Variants in SNCAIP observed in about 807,000 individuals in gnomAD.
SNCAIP encodes the protein synuclein alpha interacting protein.
A neutral mutation model predicts 86.7 loss-of-function variants in SNCAIP; 43 were observed. The ratio of observed to expected loss-of-function variants is 0.50; its 90% CI spans 0.39 to 0.64. The LOEUF is 0.64. Among genes scored for constraint, SNCAIP ranks in the 30% least tolerant of loss-of-function variants. The probability of loss-of-function intolerance (pLI) is 0.00; values close to 1 mark genes in which losing one functional copy is unlikely to be tolerated. For synonymous variants in SNCAIP, 417 were observed against 427.2 expected (o/e 0.98, Z 0.29); for missense variants, 981 against 1,103.1 (o/e 0.89, Z 1.57).
intron 1 of SNCAIP, among the ~76,000 whole-genome samples, chr5:122,373,136 T>C (rs886198697): frequency 5.3e-5 from 8 of 152,210 alleles, no homozygotes; most frequent in Non-Finnish European, 1.2e-4. Flanking sequence ...TTAATTTTAT[T>C]CTCTCCATCA....
intron 1 of SNCAIP, among the ~76,000 whole-genome samples, chr5:122,385,606 G>A (rs796554906): frequency 9.2e-5 from 14 of 151,800 alleles, no homozygotes; most frequent in African/African-American, 3.1e-4. Context: ...GCCCAATATC[G>A]ATGTTCAGGC....
intron 6 of SNCAIP, among the ~76,000 whole-genome samples, chr5:122,433,252 T>C (rs1029997188): frequency 6.6e-6 from 1 of 152,112 alleles, no homozygotes; most frequent in Admixed American, 6.6e-5. Flanking sequence ...GTGTACATTC[T>C]CTCATTTATT....
chr5:122,426,076 A>G (rs1008361738), intron 5 of SNCAIP, among the ~76,000 whole-genome samples: 5 of 152,238 alleles, frequency 3.3e-5, no homozygotes, highest in African/African-American at 1.2e-4. Flanking sequence ...CGACTGGAAT[A>G]GAGTTAAAAC....
chr5:122,447,218 G>T (rs1169228478), intron 8 of SNCAIP, among the ~76,000 whole-genome samples: 1 of 152,166 alleles, frequency 6.6e-6, no homozygotes, highest in Non-Finnish European at 1.5e-5. Flanking sequence ...TCTCCTCACA[G>T]CCTTCAGAGG....
rs1783532824 is a variant in SNCAIP at position 122,450,672 on chromosome 5, C to T, written c.1825C>T (p.Pro609Ser). Residue 609 changes from proline (P) to serine (S), a missense_variant, in exon 10 of 11, where the codon CCC (proline) becomes TCC (serine). Transcript: ENST00000261368. ...CCTGTCAGCCTCCAGCCGGGCTAGA[C>T]CCAAAGCAAAAGATGAAGATTCTGA... ...GSLSASSRAR[P>S]KAKDEDSDKI... is the part of the protein sequence containing the mutation. 6.2e-7 allele frequency: 1 copy of T among 1,614,108 alleles called. No homozygotes were observed.
chr5:122,422,015 A>G (rs1306000057), intron 3 of SNCAIP, among the ~76,000 whole-genome samples: 1 of 95,866 alleles, frequency 1.0e-5, no homozygotes, highest in East Asian at 3.0e-4. Context: ...AATTAGAAAA[A>G]AAAAAAAAAA....
At chr5:122,428,181 A>G (rs1777718713) in intron 5 of SNCAIP, among the ~76,000 whole-genome samples, 1 of 152,176 alleles carries the variant, frequency 6.6e-6, no homozygotes, top group Admixed American at 6.5e-5. Flanking sequence ...GATTAAGCCA[A>G]AAAGCAAAGT....
chr5:122,435,682 A>G (rs1462684995), intron 6 of SNCAIP, among the ~76,000 whole-genome samples: 1 of 152,118 alleles, frequency 6.6e-6, no homozygotes, highest in Non-Finnish European at 1.5e-5. Context: ...GCACTTTTTG[A>G]AAAAAGAAAA....
intron 6 of SNCAIP, among the ~76,000 whole-genome samples, chr5:122,435,897 A>G (rs1355786715): frequency 6.6e-6 from 1 of 152,206 alleles, no homozygotes; most frequent in Non-Finnish European, 1.5e-5. Context: ...AAAATAGAAG[A>G]GTCTTTGATT....
intron 2 of SNCAIP, among the ~76,000 whole-genome samples, chr5:122,393,745 A>G (rs1769966930): frequency 6.6e-6 from 1 of 152,216 alleles, no homozygotes; most frequent in Non-Finnish European, 1.5e-5. Flanking sequence ...ATCCTAGTCT[A>G]TTTAAATCCA....
At chr5:122,428,430 T>C (rs955682965) in intron 5 of SNCAIP, among the ~76,000 whole-genome samples, 7 of 152,182 alleles carry the variant, frequency 4.6e-5, no homozygotes, top group Non-Finnish European at 8.8e-5. Flanking sequence ...TGTTTAAGTG[T>C]TGCCTCCTTG....
chr5:122,452,826 AATCT>A, intron 10 of SNCAIP: 2 of 762,216 alleles, frequency 2.6e-6, no homozygotes, highest in Non-Finnish European at 4.5e-6. Flanking sequence ...ACTGTCCTCT[AATCT>A]ATCTATCTTC....
intron 2 of SNCAIP, among the ~76,000 whole-genome samples, chr5:122,395,253 ACT>A (rs1251178530): frequency 6.6e-6 from 1 of 152,116 alleles, no homozygotes; most frequent in African/African-American, 2.4e-5. Flanking sequence ...ATACACATAC[ACT>A]CACACATGCA....
rs1457242307 is a variant in SNCAIP at position 122,444,546 on chromosome 5, C to T, written c.1423-17C>T. Reference sequence around the variant, plus strand: ...TACAGAGATGTCCTGATACACATGTCCTTCATTTTCTGACAGACCTTGGTT... The same window carrying T: ...TACAGAGATGTCCTGATACACATGTTCTTCATTTTCTGACAGACCTTGGTT... On this transcript the variant is annotated splice_polypyrimidine_tract_variant and intron_variant, in intron 7 of 10. Transcript: ENST00000261368. The T allele has an allele frequency of 6.2e-7, 1 of 1,611,480 alleles. No individual in the cohort carries two copies. The highest frequency in any genetic ancestry group is 2.2e-5 in the East Asian group (1 of 44,856).
At chr5:122,393,993 T>G (rs1040709397) in intron 2 of SNCAIP, among the ~76,000 whole-genome samples, 40 of 152,178 alleles carry the variant, frequency 2.6e-4, no homozygotes, top group Non-Finnish European at 1.5e-5. Flanking sequence ...AAGTGGAGAT[T>G]ATTCAAATGC....
At chr5:122,351,562 A>AAAAAAAAAAAAAC (rs1759835072) in intron 1 of SNCAIP, among the ~76,000 whole-genome samples, 1 of 148,150 alleles carries the variant, frequency 6.7e-6, no homozygotes, top group Non-Finnish European at 1.5e-5. Flanking sequence ...AAAAAAAAAA[A>AAAAAAAAAAAAAC]AAAAGAACTA....
rs1752538098 is a variant in SNCAIP at position 122,319,656 on chromosome 5, G to A, written c.-47+7372G>A. On this transcript the variant is annotated intron_variant, in intron 1 of 10. Transcript: ENST00000261368. The stretch of plus-strand genomic sequence containing the variant: ...TTCAAGGATCCATTGAATCTCGTCT[G>A]TGGATTTCCTGGGACTCCTTGGACT... 2.6e-5 allele frequency among the ~76,000 whole-genome samples: 4 copies of A among 152,336 alleles called. No homozygotes were observed. The South Asian group carries it at 8.3e-4, about 32-fold the overall frequency.
At chr5:122,420,532 A>G (rs1305513649) in intron 3 of SNCAIP, among the ~76,000 whole-genome samples, 1 of 152,152 alleles carries the variant, frequency 6.6e-6, no homozygotes, top group Non-Finnish European at 1.5e-5. Flanking sequence ...AAATATTACT[A>G]AATATACTCA....
At chr5:122,402,857 A>T (rs1772116151) in intron 2 of SNCAIP, among the ~76,000 whole-genome samples, 4 of 152,234 alleles carry the variant, frequency 2.6e-5, no homozygotes, top group Non-Finnish European at 5.9e-5. Flanking sequence ...TACTTTAAGA[A>T]CATTGTCCTT....
Sources: allele counts gnomAD v4.1 joint callset (sites outside exome capture counted in the v4.1 genomes callset), GRCh38; gene constraint gnomAD v4.1.1; transcripts MANE v1.5; gene names NCBI Gene and HGNC (gene_info 2026-07-23, HGNC 2026-07-21).